XPO6: variants seen among roughly 807,000 people sequenced by gnomAD.
XPO6 encodes the protein exportin-6.
Under a neutral mutation model 130.0 loss-of-function variants are expected in XPO6, and 3 were observed. The ratio of observed to expected loss-of-function variants is 0.02; its 90% confidence interval spans 0.01 to 0.06. The LOEUF (loss-of-function observed/expected upper bound fraction) is 0.06. XPO6 is among the 10% of genes least tolerant of loss of function. XPO6 has a pLI of 1.00. For missense variants in XPO6, 970 were observed against 1,393.0 expected (o/e 0.70, Z 4.83); for synonymous variants, 524 against 548.9 (o/e 0.95, Z 0.63).
chr16:28,182,844 G>A (rs923184286), intron 1 of XPO6, among the ~76,000 whole-genome samples: 19 of 151,968 alleles, frequency 1.3e-4, no homozygotes, highest in African/African-American at 3.9e-4. Flanking sequence ...ATAAAAGAAC[G>A]CCGTAGTCTG....
chr16:28,187,158 C>T (rs567623496), intron 1 of XPO6, among the ~76,000 whole-genome samples: 1 of 152,156 alleles, frequency 6.6e-6, no homozygotes, highest in Non-Finnish European at 1.5e-5. Context: ...GGAAAGCATG[C>T]CTGATTCAAT....
Position 28,211,239 on chromosome 16 carries a change from C to T in XPO6, c.3+127G>A, listed in dbSNP as rs1034398845. ...CTGCACACTCTGCACGCATGTGTCACCGGCCAGGCTCCGCACGCGCCTCTC... is the reference window on the plus strand; with the variant it reads ...CTGCACACTCTGCACGCATGTGTCATCGGCCAGGCTCCGCACGCGCCTCTC... On this transcript the variant is annotated intron_variant, in intron 1 of 23. Coordinates refer to ENST00000304658, the MANE Select transcript of XPO6 (RefSeq NM_015171.4). 4.9e-6 allele frequency: 5 copies of T among 1,013,036 alleles called. No homozygotes were observed. The African/African-American group carries it at 6.7e-5, about 14-fold the overall frequency. 62.8% of individuals were successfully genotyped at this position (1,013,036 alleles called of 1,614,324 possible).
Position 28,132,310 on chromosome 16 carries a change from A to G in XPO6, c.1606+24T>C, listed in dbSNP as rs1596840784. ...GATGGTTTTTTGAATGTTTGGTTAAATTAGAAAATAAAAACCAGTTTACCT... is the reference window on the plus strand; with the variant it reads ...GATGGTTTTTTGAATGTTTGGTTAAGTTAGAAAATAAAAACCAGTTTACCT... On this transcript the variant is annotated intron_variant, in intron 12 of 23. Coordinates refer to ENST00000304658, the MANE Select transcript of XPO6 (RefSeq NM_015171.4). This position sits in a 1 kb window ranked among gnomAD's most constrained non-coding sequence, Gnocchi z 4.0. The G allele has an allele frequency of 6.5e-7, 1 of 1,543,606 alleles. No individual in the cohort carries two copies. Among genetic ancestry groups the G allele is most frequent in the Non-Finnish European group, 8.9e-7 (1 of 1,125,542 alleles).
chr16:28,100,499 A>T (rs185035743), intron 23 of XPO6, among the ~76,000 whole-genome samples: 166 of 152,352 alleles, frequency 1.1e-3, no homozygotes, highest in African/African-American at 3.8e-3. Flanking sequence ...GAGTCTAAGC[A>T]AAAGCTTCCC....
At chr16:28,208,404 G>GT (rs2044068072) in intron 1 of XPO6, among the ~76,000 whole-genome samples, 1 of 152,202 alleles carries the variant, frequency 6.6e-6, no homozygotes. Context: ...CCCTCCGCCT[G>GT]TAAGACACCA....
At chr16:28,187,686 A>C (rs1294502544) in intron 1 of XPO6, among the ~76,000 whole-genome samples, 1 of 148,562 alleles carries the variant, frequency 6.7e-6, no homozygotes, top group Non-Finnish European at 1.5e-5. Context: ...TGCTCTATCT[A>C]GTATGTCTGT....
chr16:28,146,418 G>T, intron 8 of XPO6: 1 of 493,734 alleles, frequency 2.0e-6, no homozygotes, highest in Non-Finnish European at 3.7e-6. Context: ...CACATCATGA[G>T]GGAGATACTG....
chr16:28,135,085 C>T lies in XPO6; in HGVS notation c.1443+131G>A, dbSNP rs1446187170. The T allele has an allele frequency of 3.3e-5, 21 of 634,078 alleles. No homozygotes were observed. The South Asian group carries it at 4.4e-4, about 13-fold the overall frequency. 39.3% of individuals were successfully genotyped at this position (634,078 alleles called of 1,614,324 possible). A position where few individuals can be genotyped will look rare whatever the true frequency, so the allele number is the denominator to read the frequency against. On this transcript the variant is annotated intron_variant, in intron 10 of 23. Coordinates refer to ENST00000304658, the MANE Select transcript of XPO6 (RefSeq NM_015171.4). The stretch of plus-strand genomic sequence containing the variant: ...CAGGAGATTAAAAATTTCAAATGTA[C>T]GACTCAAACCAGAAGACTACTCTGG...
chr16:28,108,740 A>G (rs1261161810), intron 17 of XPO6, among the ~76,000 whole-genome samples: 1 of 152,216 alleles, frequency 6.6e-6, no homozygotes, highest in Non-Finnish European at 1.5e-5. Flanking sequence ...CCCGAACCCC[A>G]GTGCTCAGCA....
intron 10 of XPO6, 136 bp from the exon 11 acceptor site, chr16:28,134,069 G>A (rs1288952627): frequency 2.6e-6 from 2 of 773,454 alleles, no homozygotes; most frequent in Non-Finnish European, 4.1e-6. Flanking sequence ...CTATAAAAAG[G>A]CCAAGCTAGA....
intron 8 of XPO6, among the ~76,000 whole-genome samples, chr16:28,149,479 G>T (rs887156882): frequency 6.6e-6 from 1 of 152,156 alleles, no homozygotes; most frequent in Non-Finnish European, 1.5e-5. Context: ...ATCAACAATA[G>T]ACTGCATGTG....
At chr16:28,158,554 A>T (rs1199904683) in intron 6 of XPO6, among the ~76,000 whole-genome samples, 2 of 152,224 alleles carry the variant, frequency 1.3e-5, no homozygotes, top group Non-Finnish European at 2.9e-5. Context: ...TGAATTAATG[A>T]CTATTTGTAC....
At chr16:28,154,892 C>T (rs1264140752) in intron 7 of XPO6, among the ~76,000 whole-genome samples, 1 of 152,150 alleles carries the variant, frequency 6.6e-6, no homozygotes, top group East Asian at 1.9e-4. Flanking sequence ...TTCTTAACCA[C>T]AGACAGAAAG....
intron 1 of XPO6, among the ~76,000 whole-genome samples, chr16:28,190,614 G>A (rs1049456449): frequency 6.6e-6 from 1 of 152,118 alleles, no homozygotes. Flanking sequence ...CTGGACTGGA[G>A]GGAAAAAATG....
At position 28,106,430 on chromosome 16, in the gene XPO6, C is replaced by T; in HGVS notation, c.2565G>A (p.Val855=). The change falls in exon 19 of 24, where the codon GTG becomes GTA. Residue 855 remains valine, a synonymous_variant. Transcript: ENST00000304658. The surrounding 1 kb of genome is among the most constrained non-coding windows in gnomAD (Gnocchi z 4.2). ...TCTGTATGATTTGCTCAGTGAAAGG[C>T]ACACCCATCTGTACTCTAAGGCCTC... ...LFRGLRVQMG[V]PFTEQIIQTF... is the part of the protein sequence containing the mutation. 1 of 1,614,234 alleles carries T rather than the reference C, an allele frequency of 6.2e-7. No individual in the cohort carries two copies. Among genetic ancestry groups the T allele is most frequent in the Non-Finnish European group, 8.5e-7 (1 of 1,180,048 alleles).
At chr16:28,192,665 T>C (rs901132257) in intron 1 of XPO6, among the ~76,000 whole-genome samples, 2 of 152,138 alleles carry the variant, frequency 1.3e-5, no homozygotes, top group Non-Finnish European at 2.9e-5. Context: ...AGGCTCTCCC[T>C]GGTGTACCAA....
chr16:28,159,238 AG>A (rs1364530263), intron 6 of XPO6, among the ~76,000 whole-genome samples: 1 of 152,172 alleles, frequency 6.6e-6, no homozygotes, highest in Non-Finnish European at 1.5e-5. Context: ...CTTTAAAAAA[AG>A]AAAAAAGAAA....
At chr16:28,117,203 G>A in intron 15 of XPO6, 115 bp downstream of exon 15, 1 of 1,362,892 alleles carries the variant, frequency 7.3e-7, no homozygotes, top group South Asian at 1.4e-5. Context: ...TATAACAGCA[G>A]AAAGATTTAT....
At chr16:28,203,311 G>A (rs2043980293) in intron 1 of XPO6, among the ~76,000 whole-genome samples, 1 of 151,614 alleles carries the variant, frequency 6.6e-6, no homozygotes, top group South Asian at 2.1e-4. Context: ...GCAATGGGTT[G>A]TAGAATGAAT....
Sources: allele counts gnomAD v4.1 joint callset (sites outside exome capture counted in the v4.1 genomes callset), GRCh38; gene constraint gnomAD v4.1.1; non-coding constraint Gnocchi (gnomAD v3.1); transcripts MANE v1.5; gene names NCBI Gene and HGNC (gene_info 2026-07-23, HGNC 2026-07-21).